The following SCGB2B2 variants were observed in gnomAD, a reference collection of about 807,000 sequenced individuals.
The protein encoded by SCGB2B2 is secretoglobin-like protein.
Under a neutral mutation model 7.6 loss-of-function variants are expected in SCGB2B2, and 11 were observed. The ratio of observed to expected loss-of-function variants is 1.45; its 90% CI spans 0.91 to 2.40. The LOEUF is 2.40. SCGB2B2 is among the 30% of genes most tolerant of loss of function. SCGB2B2 has a pLI of 0.00. For synonymous variants in SCGB2B2, 50 were observed against 48.6 expected, an observed-to-expected ratio of 1.03 and a Z score of -0.12; for missense variants, 104 against 115.4, an observed-to-expected ratio of 0.90 and a Z score of 0.45.
intron 1 of SCGB2B2, chr19:34,638,365 T>C (rs2066745579): frequency 6.6e-6 from 1 of 151,322 alleles, no homozygotes; most frequent in Admixed American, 6.6e-5. Flanking sequence ...ATTGCTTGAA[T>C]CCAGGAGGTG....
chr19:34,585,867 GAAGT>G (rs1382144765), downstream of SCGB2B2, among the ~76,000 whole-genome samples: 1 of 152,222 alleles, frequency 6.6e-6, no homozygotes, highest in African/African-American at 2.4e-5. Context: ...GGTATCTGCA[GAAGT>G]AACTGGGGAA....
chr19:34,613,366 T>TG (rs1325739261), intron 1 of SCGB2B2, among the ~76,000 whole-genome samples: 1 of 152,242 alleles, frequency 6.6e-6, no homozygotes, highest in Non-Finnish European at 1.5e-5. Flanking sequence ...CCCAAAGTGC[T>TG]GGGATTACAG....
intron 1 of SCGB2B2, among the ~76,000 whole-genome samples, chr19:34,601,842 G>C (rs1215027709): frequency 6.6e-6 from 1 of 152,118 alleles, no homozygotes. Flanking sequence ...GGGTAACAAT[G>C]GTGAAAGTAG....
At chr19:34,673,531 G>A (rs187347560) in intron 1 of SCGB2B2, among the ~76,000 whole-genome samples, 32 of 152,320 alleles carry the variant, frequency 2.1e-4, no homozygotes, top group African/African-American at 7.2e-4. Context: ...GAGGCCCTCA[G>A]AAAACAAGAG....
chr19:34,597,845 G>T (rs1253263124), intron 1 of SCGB2B2, among the ~76,000 whole-genome samples: 2 of 152,228 alleles, frequency 1.3e-5, no homozygotes, highest in African/African-American at 4.8e-5. Flanking sequence ...ACATGATGGG[G>T]CCGGTGTGGG....
chr19:34,645,529 CACACA>C (rs2066980727), intron 1 of SCGB2B2: 1 of 61,712 alleles, frequency 1.6e-5, no homozygotes, highest in East Asian at 2.8e-4. Flanking sequence ...CACACAGACA[CACACA>C]GACACAGACA....
chr19:34,604,792 T>C (rs1214579933), intron 1 of SCGB2B2, among the ~76,000 whole-genome samples: 1 of 152,228 alleles, frequency 6.6e-6, no homozygotes, highest in African/African-American at 2.4e-5. Context: ...CATTATTACA[T>C]GCCTTATTCT....
intron 1 of SCGB2B2, among the ~76,000 whole-genome samples, chr19:34,661,970 C>A (rs2067469849): frequency 6.6e-6 from 1 of 151,982 alleles, no homozygotes; most frequent in East Asian, 1.9e-4. Context: ...ACCTCTGCCT[C>A]CCAGGTTCAA....
chr19:34,649,126 T>C (rs567742376), intron 1 of SCGB2B2, among the ~76,000 whole-genome samples: 1 of 152,272 alleles, frequency 6.6e-6, no homozygotes, highest in African/African-American at 2.4e-5. Context: ...CAGGCTGGTC[T>C]TGAACTCCTG....
At chr19:34,614,931 A>G (rs1206002759) in intron 1 of SCGB2B2, among the ~76,000 whole-genome samples, 1 of 152,202 alleles carries the variant, frequency 6.6e-6, no homozygotes, top group Non-Finnish European at 1.5e-5. Flanking sequence ...TGTTTGTGAC[A>G]GTGGTTGCTT....
chr19:34,609,010 A>T (rs187527225), intron 1 of SCGB2B2, among the ~76,000 whole-genome samples: 94 of 152,038 alleles, frequency 6.2e-4, no homozygotes, highest in Non-Finnish European at 1.1e-3. Flanking sequence ...GATAATACCC[A>T]TCCCTACTGA....
chr19:34,644,147 C>T (rs1033934679), intron 1 of SCGB2B2, among the ~76,000 whole-genome samples: 6 of 152,144 alleles, frequency 3.9e-5, no homozygotes, highest in Non-Finnish European at 7.4e-5. Flanking sequence ...AGACAGATAA[C>T]TAAATCTTCC....
intron 1 of SCGB2B2, among the ~76,000 whole-genome samples, chr19:34,669,003 C>T (rs969651763): frequency 6.6e-6 from 1 of 152,142 alleles, no homozygotes; most frequent in African/African-American, 2.4e-5. Flanking sequence ...TTGCTCTTTA[C>T]AATAAATCTT....
intron 1 of SCGB2B2, among the ~76,000 whole-genome samples, chr19:34,658,813 C>CCAA (rs2067360886): frequency 9.8e-6 from 1 of 102,008 alleles, no homozygotes; most frequent in African/African-American, 5.2e-5. Context: ...ACAACAACAA[C>CCAA]AAAAAAAAAA....
At chr19:34,593,669 C>T (rs2065358480) in intron 3 of SCGB2B2, 70 bp from the exon 4 acceptor site, 3 of 1,304,644 alleles carry the variant, frequency 2.3e-6, no homozygotes, top group Non-Finnish European at 3.2e-6. Flanking sequence ...ATCGTTATTG[C>T]CCGGTCCCCG....
rs1329100723 is a variant in SCGB2B2, at chr19:34,593,323, C to G, written c.*232G>C. On this transcript the variant is annotated 3_prime_UTR_variant, in exon 4 of 4. Transcript: ENST00000601241. ...TCCTCCCCGCCAAAAAGAAAACAGG[C>G]ATGTCTATGCTACACCTGTAGAGTT... is the stretch of plus-strand genomic sequence containing the variant. 2.2e-6 allele frequency: 1 copy of G among 459,214 alleles called. No individual in the cohort carries two copies. Among genetic ancestry groups the G allele is most frequent in the African/African-American group, 2.0e-5 (1 of 50,650 alleles). The allele number at this position is 459,214 out of a possible 1,614,324, so 28.4% of individuals were successfully genotyped here.
chr19:34,668,392 C>A (rs2067699898), intron 1 of SCGB2B2, among the ~76,000 whole-genome samples: 1 of 152,224 alleles, frequency 6.6e-6, no homozygotes, highest in South Asian at 2.1e-4. Flanking sequence ...TCCGGCGGGG[C>A]AGGGCTCGGT....
chr19:34,598,821 T>C (rs1256379520), intron 1 of SCGB2B2, among the ~76,000 whole-genome samples: 1 of 152,234 alleles, frequency 6.6e-6, no homozygotes, highest in Non-Finnish European at 1.5e-5. Context: ...CCCAGTTGTT[T>C]GGGGAACTTG....
intron 1 of SCGB2B2, among the ~76,000 whole-genome samples, chr19:34,666,696 A>T (rs1393512109): frequency 1.3e-5 from 2 of 152,062 alleles, no homozygotes; most frequent in African/African-American, 4.8e-5. Flanking sequence ...GCACCACCCC[A>T]AGTGTAACCC....
Sources: gnomAD v4.1 joint callset for allele counts (sites outside exome capture counted in the v4.1 genomes callset) on GRCh38, gnomAD v4.1.1 for gene constraint, MANE v1.5 for transcripts, NCBI Gene and HGNC (gene_info 2026-07-23, HGNC 2026-07-21) for gene names.